Variants in UBXN8 observed in about 807,000 individuals in gnomAD.
UBXN8 encodes UBX domain-containing protein 8.
UBXN8 carries 27 observed loss-of-function variants against 32.1 expected under a neutral mutation model. The ratio of observed to expected loss-of-function variants is 0.84; its 90% CI spans 0.62 to 1.16. UBXN8 has a LOEUF of 1.16. Among genes scored for constraint, UBXN8 ranks in the 50% most tolerant of loss-of-function variants. UBXN8 has a pLI of 0.00. For missense variants in UBXN8, 306 were observed against 311.4 expected (o/e 0.98, Z 0.13); for synonymous variants, 109 against 111.8 (o/e 0.98, Z 0.16).
rs1235747315 is a variant in UBXN8 at position 30,758,896 on chromosome 8, T to TG, written c.529-1992_529-1991insG. On this transcript the variant is annotated intron_variant, in intron 5 of 7. Transcript: ENST00000265616. The stretch of plus-strand genomic sequence containing the variant: ...TGTTTTTTTTGTTTGTTTTTTTTGT[T>TG]TTTTTTTTTTTTTTTGAGACGGAGT... Among the ~76,000 whole-genome samples the TG allele has an allele frequency of 7.4e-3, 1,009 of 136,446 alleles. 38 individuals carry two copies. Among genetic ancestry groups the TG allele is most frequent in the African/African-American group, 0.027 (947 of 34,844 alleles). The allele number at this position is 136,446 out of a possible 152,430, so 89.5% of individuals were successfully genotyped here.
At chr8:30,729,613 T>C (rs1338801566), upstream of UBXN8, among the ~76,000 whole-genome samples, 1 of 152,210 alleles carries the variant, frequency 6.6e-6, no homozygotes, top group East Asian at 1.9e-4. Flanking sequence ...CTTGGTGTTT[T>C]GTCTTGAGGA....
rs1277256239 is a variant in UBXN8, at chr8:30,744,235, C to G, written c.46C>G (p.Pro16Ala). 6.2e-6 allele frequency: 10 copies of G among 1,613,888 alleles called. No homozygotes were observed. Among genetic ancestry groups the G allele is most frequent in the Non-Finnish European group, 8.5e-6 (10 of 1,179,858 alleles). The change falls in exon 1 of 8, where the codon CCC becomes GCC. Residue 16 changes from proline (P) to alanine (A), a missense_variant. Physicochemically the swap from Pro to Ala is conservative, Grantham distance 27. Coordinates refer to ENST00000265616, the MANE Select transcript of UBXN8 (RefSeq NM_005671.4). ...VVGIFFLSAVPLVCLELRRGI... is the reference protein window; with the variant it reads ...VVGIFFLSAVALVCLELRRGI... ...TGGCATTTTCTTCCTCTCTGCTGTC[C>G]CCCTTGTGTGTCTGGAGCTCCGGCG...
rs867381164 is a variant in UBXN8 at position 30,736,740 on chromosome 8, T to C, written c.622+3432T>C. On this transcript the variant is annotated intron_variant, in intron 1 of 1. Coordinates refer to the UBXN8 transcript ENST00000522968. Reference sequence around the variant, plus strand: ...CACTCGCCTTGGCCTCTCAAAGTGTTGGGATTACAAGCGTGAGCCACTGCA... The same window carrying C: ...CACTCGCCTTGGCCTCTCAAAGTGTCGGGATTACAAGCGTGAGCCACTGCA... Among the ~76,000 whole-genome samples the C allele has an allele frequency of 2.6e-5, 4 of 152,328 alleles. No homozygotes were observed. The South Asian group carries it at 8.3e-4, about 32-fold the overall frequency.
intron 7 of UBXN8, 46 bp from the exon 8 acceptor site, chr8:30,766,181 G>C: frequency 6.4e-7 from 1 of 1,568,682 alleles, no homozygotes; most frequent in Non-Finnish European, 8.7e-7. Context: ...GGGACATGGT[G>C]TGTAAAGTAT....
At chr8:30,749,425 A>ATAAG (rs1163470850) in intron 1 of UBXN8, among the ~76,000 whole-genome samples, 2 of 151,364 alleles carry the variant, frequency 1.3e-5, no homozygotes, top group African/African-American at 2.4e-5. Context: ...AAATAAATAA[A>ATAAG]TAGACCAAAT....
At chr8:30,739,562 A>C (rs933261560), upstream of UBXN8, among the ~76,000 whole-genome samples, 2 of 152,198 alleles carry the variant, frequency 1.3e-5, no homozygotes, top group South Asian at 4.1e-4. Context: ...AAAATAAAAT[A>C]AAAAAACTAA....
At chr8:30,756,445 AATTTTTGC>A (rs2128755189) in intron 4 of UBXN8, among the ~76,000 whole-genome samples, 1 of 151,778 alleles carries the variant, frequency 6.6e-6, no homozygotes, top group Non-Finnish European at 1.5e-5. Flanking sequence ...ATACCCGGCC[AATTTTTGC>A]ATTTTTTTAG....
intron 4 of UBXN8, among the ~76,000 whole-genome samples, chr8:30,755,760 GAA>G (rs34287599): frequency 6.7e-5 from 6 of 88,940 alleles, no homozygotes; most frequent in South Asian, 9.3e-4. Context: ...CCTTTCTCCA[GAA>G]AAAAAAAAAA....
chr8:30,730,781 G>T (rs538984413), upstream of UBXN8, among the ~76,000 whole-genome samples: 2 of 152,316 alleles, frequency 1.3e-5, no homozygotes, highest in Non-Finnish European at 2.9e-5. Context: ...GAAAATCAAC[G>T]CATGATTAAC....
At chr8:30,733,637 T>G (rs1805016655) in intron 1 of UBXN8, among the ~76,000 whole-genome samples, 1 of 152,092 alleles carries the variant, frequency 6.6e-6, no homozygotes, top group Admixed American at 6.5e-5. Context: ...CTACTTATTC[T>G]AAAGAGGAAA....
At chr8:30,750,425 T>G (rs951662267) in intron 1 of UBXN8, among the ~76,000 whole-genome samples, 1 of 152,020 alleles carries the variant, frequency 6.6e-6, no homozygotes, top group Non-Finnish European at 1.5e-5. Context: ...CAGTGAGCCG[T>G]GGTCTCACCA....
At chr8:30,758,401 C>T (rs1458890782) in intron 5 of UBXN8, among the ~76,000 whole-genome samples, 2 of 152,078 alleles carry the variant, frequency 1.3e-5, no homozygotes, top group African/African-American at 4.8e-5. Context: ...GGATTAGTGC[C>T]CAGGTTTATT....
At chr8:30,754,401 C>G in intron 3 of UBXN8, 1 of 554,548 alleles carries the variant, frequency 1.8e-6, no homozygotes, top group Non-Finnish European at 3.5e-6. Flanking sequence ...CCCATTCTCT[C>G]AGGAAATGGG....
intron 4 of UBXN8, among the ~76,000 whole-genome samples, chr8:30,755,300 G>T (rs1805628324): frequency 6.6e-6 from 1 of 151,684 alleles, no homozygotes; most frequent in African/African-American, 2.4e-5. Context: ...CCCTGGCTGG[G>T]GTGCAGTGGC....
At position 30,765,844 on chromosome 8, in the gene UBXN8, C is replaced by CT. The variant is rs1347947607; in HGVS notation, c.646-382dup. ...CCAACATGGTGGAACCCCGTCTCTA[C>CT]TAAAAATACAAAAATTAGCTGGGCA... On this transcript the variant is annotated intron_variant, in intron 7 of 7. Coordinates refer to ENST00000265616, the MANE Select transcript of UBXN8 (RefSeq NM_005671.4). Among the ~76,000 whole-genome samples, 3 of 151,934 alleles carry CT rather than the reference C, an allele frequency of 2.0e-5. No homozygotes were observed. In the East Asian group the frequency reaches 5.9e-4, roughly 30 times the overall value.
chr8:30,758,666 C>G (rs1400417384), intron 5 of UBXN8, among the ~76,000 whole-genome samples: 1 of 152,104 alleles, frequency 6.6e-6, no homozygotes, highest in Admixed American at 6.6e-5. Context: ...ACTAAACGGA[C>G]TGATTAAAAA....
At chr8:30,751,087 G>A (rs897968418) in intron 1 of UBXN8, among the ~76,000 whole-genome samples, 1 of 152,028 alleles carries the variant, frequency 6.6e-6, no homozygotes, top group African/African-American at 2.4e-5. Context: ...CAGGAGTCCT[G>A]GAACCAATAC....
At chr8:30,744,941 C>T (rs527339972) in intron 1 of UBXN8, among the ~76,000 whole-genome samples, 1 of 152,092 alleles carries the variant, frequency 6.6e-6, no homozygotes, top group African/African-American at 2.4e-5. Context: ...CTATTATAAG[C>T]CAAACACCAG....
At chr8:30,730,696 G>T (rs1221600908), upstream of UBXN8, among the ~76,000 whole-genome samples, 2 of 152,220 alleles carry the variant, frequency 1.3e-5, no homozygotes, top group African/African-American at 2.4e-5. Context: ...GGGAAAAGAA[G>T]AAAGTCCAGC....
Sources: gnomAD v4.1 joint callset for allele counts (sites outside exome capture counted in the v4.1 genomes callset) on GRCh38, gnomAD v4.1.1 for gene constraint, MANE v1.5 for transcripts, NCBI Gene and HGNC (gene_info 2026-07-23, HGNC 2026-07-21) for gene names.